SLC14A2: variants seen among roughly 807,000 people sequenced by gnomAD.
SLC14A2 encodes solute carrier family 14 member 2, also known as urea transporter 2.
Under a neutral mutation model 104.6 loss-of-function variants are expected in SLC14A2, and 91 were observed. That is an observed-to-expected ratio of 0.87 (90% CI 0.73 to 1.04). The LOEUF (loss-of-function observed/expected upper bound fraction) is 1.04, where lower values mean the gene tolerates loss of function less well. SLC14A2 is among the 50% of genes least tolerant of loss of function. The pLI is 0.00. For missense variants in SLC14A2, 1,189 were observed against 1,156.0 expected, an observed-to-expected ratio of 1.03 and a Z score of -0.41; for synonymous variants, 476 against 466.4, an observed-to-expected ratio of 1.02 and a Z score of -0.27.
chr18:45,277,184 T>C (rs1436051848), intron 1 of SLC14A2, among the ~76,000 whole-genome samples: 1 of 152,220 alleles, frequency 6.6e-6, no homozygotes, highest in African/African-American at 2.4e-5. Flanking sequence ...TCTTATGGTT[T>C]CCAGTTCTGC....
chr18:45,665,685 TTTC>T (rs2046007709), intron 11 of SLC14A2, among the ~76,000 whole-genome samples: 3 of 104,740 alleles, frequency 2.9e-5, no homozygotes, highest in African/African-American at 1.1e-4. Context: ...AACAACCAAG[TTTC>T]TTTTTTTTTT....
chr18:45,205,702 T>C, the SLC14A2 span, among the ~76,000 whole-genome samples: 1 of 152,212 alleles, frequency 6.6e-6, no homozygotes, highest in Non-Finnish European at 1.5e-5. Context: ...GTTTTTCACA[T>C]ATTATAAACT....
At chr18:45,220,673 G>A (rs1375400063) in intron 1 of SLC14A2, among the ~76,000 whole-genome samples, 2 of 152,174 alleles carry the variant, frequency 1.3e-5, no homozygotes, top group Non-Finnish European at 2.9e-5. Context: ...CCCTTTAATT[G>A]CAAGACTTAG....
chr18:45,280,727 T>C lies in SLC14A2; in HGVS notation c.-125+67536T>C, dbSNP rs969336773. On this transcript the variant is annotated intron_variant, in intron 1 of 20. Transcript: ENST00000586448. ...AAGCTAAGCTCAAGGTGCCACAAGC[T>C]TTGAAGAGAAATAAAAGTGCTGAGA... Among the ~76,000 whole-genome samples the C allele has an allele frequency of 1.6e-4, 24 of 152,162 alleles. 1 individual carries two copies. The highest frequency in any genetic ancestry group is 6.5e-5 in the Admixed American group (1 of 15,284).
intron 1 of SLC14A2, among the ~76,000 whole-genome samples, chr18:45,384,832 C>T (rs1401617844): frequency 1.3e-5 from 2 of 152,146 alleles, no homozygotes; most frequent in South Asian, 2.1e-4. Context: ...TCCAAATAGC[C>T]AATTGCTGTC....
At chr18:45,371,111 G>A (rs964736804) in intron 1 of SLC14A2, among the ~76,000 whole-genome samples, 7 of 152,130 alleles carry the variant, frequency 4.6e-5, no homozygotes, top group Non-Finnish European at 8.8e-5. Context: ...TGGCTTGGTG[G>A]TACAGATACC....
chr18:45,252,559 A>G (rs972205215), intron 1 of SLC14A2, among the ~76,000 whole-genome samples: 1 of 152,250 alleles, frequency 6.6e-6, no homozygotes, highest in African/African-American at 2.4e-5. Flanking sequence ...CAAACAAGAC[A>G]AAAACAAAAC....
chr18:45,477,540 GT>G (rs1159693452), intron 1 of SLC14A2, among the ~76,000 whole-genome samples: 2 of 152,214 alleles, frequency 1.3e-5, no homozygotes. Flanking sequence ...TCTCTTCAGA[GT>G]CGGCAGGCAG....
intron 11 of SLC14A2, among the ~76,000 whole-genome samples, 182 bp from the exon 12 acceptor site, chr18:45,665,955 C>T (rs1265109977): frequency 6.6e-6 from 1 of 152,080 alleles, no homozygotes; most frequent in Non-Finnish European, 1.5e-5. Flanking sequence ...CCAGATGGAT[C>T]CATGACCAGT....
At chr18:45,234,833 T>A (rs564894489) in intron 1 of SLC14A2, among the ~76,000 whole-genome samples, 1 of 152,254 alleles carries the variant, frequency 6.6e-6, no homozygotes, top group South Asian at 2.1e-4. Flanking sequence ...GTTTTTATTA[T>A]TTAGCGCCTT....
At chr18:45,215,876 T>C (rs1252085224) in intron 1 of SLC14A2, among the ~76,000 whole-genome samples, 1 of 152,214 alleles carries the variant, frequency 6.6e-6, no homozygotes, top group Non-Finnish European at 1.5e-5. Flanking sequence ...GTAATTTATT[T>C]TGGCTTTGGT....
At chr18:45,541,361 G>A (rs930879420) in intron 2 of SLC14A2, among the ~76,000 whole-genome samples, 21 of 152,136 alleles carry the variant, frequency 1.4e-4, no homozygotes, top group African/African-American at 9.7e-5. Flanking sequence ...CAAGACCATC[G>A]CATTAGCCAT....
chr18:45,672,751 TA>T, intron 16 of SLC14A2, 148 bp from the exon 17 acceptor site: 2 of 629,002 alleles, frequency 3.2e-6, no homozygotes, highest in Non-Finnish European at 5.5e-6. Flanking sequence ...TTGTTCCTGT[TA>T]AAGTTAACCT....
chr18:45,380,106 G>A (rs1481235296), intron 1 of SLC14A2, among the ~76,000 whole-genome samples: 1 of 152,134 alleles, frequency 6.6e-6, no homozygotes, highest in African/African-American at 2.4e-5. Flanking sequence ...ATCTTTTGAT[G>A]GCACCACAAC....
chr18:45,235,832 CGTGT>C (rs1291460773), intron 1 of SLC14A2, among the ~76,000 whole-genome samples: 3 of 71,838 alleles, frequency 4.2e-5, no homozygotes, highest in African/African-American at 1.2e-4. Flanking sequence ...TATATATATA[CGTGT>C]ATATATATAT....
intron 7 of SLC14A2, 87 bp downstream of exon 7, chr18:45,639,980 T>G: frequency 8.0e-7 from 1 of 1,255,972 alleles, no homozygotes; most frequent in Non-Finnish European, 1.1e-6. Flanking sequence ...TTCCAGACAT[T>G]CTCTTCCCTG....
intron 1 of SLC14A2, among the ~76,000 whole-genome samples, chr18:45,449,871 T>G (rs2086830442): frequency 6.6e-6 from 1 of 152,166 alleles, no homozygotes; most frequent in Non-Finnish European, 1.5e-5. Context: ...ACCAACAGAT[T>G]GGTCATAGAT....
At chr18:45,230,384 G>T (rs147916118) in intron 1 of SLC14A2, among the ~76,000 whole-genome samples, 1 of 152,272 alleles carries the variant, frequency 6.6e-6, no homozygotes, top group East Asian at 1.9e-4. Flanking sequence ...GCTTTTTCCA[G>T]GTTCTAGACC....
chr18:45,340,961 A>C (rs916927707), intron 1 of SLC14A2, among the ~76,000 whole-genome samples: 1 of 152,178 alleles, frequency 6.6e-6, no homozygotes, highest in African/African-American at 2.4e-5. Context: ...GTCCCTTAAC[A>C]ATAGAGTTGC....
Sources: allele counts gnomAD v4.1 joint callset (sites outside exome capture counted in the v4.1 genomes callset), GRCh38; gene constraint gnomAD v4.1.1; transcripts MANE v1.5; gene names NCBI Gene and HGNC (gene_info 2026-07-23, HGNC 2026-07-21).